Variants in ARHGAP31 observed in about 807,000 individuals in gnomAD.
ARHGAP31 encodes Rho GTPase activating protein 31, also known as rho GTPase-activating protein 31.
ARHGAP31 carries 34 observed loss-of-function variants against 113.9 expected under a neutral mutation model. The ratio of observed to expected loss-of-function variants is 0.30; its 90% CI spans 0.23 to 0.40. ARHGAP31 has a LOEUF of 0.40. Among genes scored for constraint, ARHGAP31 ranks in the 10% least tolerant of loss-of-function variants. ARHGAP31 has a pLI of 1.00. For missense variants in ARHGAP31, 1,548 were observed against 1,767.1 expected (o/e 0.88, Z 2.22); for synonymous variants, 650 against 684.8 (o/e 0.95, Z 0.79).
At chr3:119,342,393 G>C (rs1307617360) in intron 1 of ARHGAP31, among the ~76,000 whole-genome samples, 2 of 152,126 alleles carry the variant, frequency 1.3e-5, no homozygotes, top group Non-Finnish European at 2.9e-5. Flanking sequence ...GGAATACTCA[G>C]GGCTATGCAG....
At chr3:119,336,645 T>A (rs564607068) in intron 1 of ARHGAP31, among the ~76,000 whole-genome samples, 1 of 152,170 alleles carries the variant, frequency 6.6e-6, no homozygotes, top group African/African-American at 2.4e-5. Flanking sequence ...TTATTTTTAA[T>A]TTTATTGAGA....
chr3:119,345,483 T>C (rs2080048365), intron 1 of ARHGAP31, among the ~76,000 whole-genome samples: 1 of 152,030 alleles, frequency 6.6e-6, no homozygotes. Flanking sequence ...GCAGAATGGC[T>C]CCAGAACTCA....
intron 3 of ARHGAP31, among the ~76,000 whole-genome samples, chr3:119,369,187 C>A (rs1013272507): frequency 6.6e-6 from 1 of 152,062 alleles, no homozygotes; most frequent in Non-Finnish European, 1.5e-5. Context: ...GTAGAGATAG[C>A]GTGAAAAACA....
At chr3:119,299,453 A>T (rs1045255402) in intron 1 of ARHGAP31, among the ~76,000 whole-genome samples, 1 of 152,222 alleles carries the variant, frequency 6.6e-6, no homozygotes, top group African/African-American at 2.4e-5. Flanking sequence ...GATTTGAGGC[A>T]TGACAGAGGG....
chr3:119,359,932 C>G (rs982746442), intron 1 of ARHGAP31, among the ~76,000 whole-genome samples: 2 of 152,112 alleles, frequency 1.3e-5, no homozygotes, highest in Non-Finnish European at 2.9e-5. Context: ...AGTGTCTTGT[C>G]TCCCTCATTA....
intron 2 of ARHGAP31, 60 bp from the exon 3 acceptor site, chr3:119,368,312 G>A: frequency 6.2e-7 from 1 of 1,608,854 alleles, no homozygotes; most frequent in Non-Finnish European, 8.5e-7. Context: ...CAGCCAAGCA[G>A]CTGCTGACAT....
chr3:119,407,617 G>A (rs756987651), intron 10 of ARHGAP31, among the ~76,000 whole-genome samples: 24 of 152,234 alleles, frequency 1.6e-4, no homozygotes, highest in Admixed American at 2.6e-4. Context: ...AAGAGACAGT[G>A]GGAGTGTGGA....
At chr3:119,365,213 C>T in intron 1 of ARHGAP31, 103 bp from the exon 2 acceptor site, 1 of 917,800 alleles carries the variant, frequency 1.1e-6, no homozygotes, top group South Asian at 1.4e-5. Context: ...GAGTTCCATA[C>T]TTACATCTCT....
At chr3:119,383,262 A>G in intron 6 of ARHGAP31, 36 bp downstream of exon 6, 1 of 1,613,064 alleles carries the variant, frequency 6.2e-7, no homozygotes, top group South Asian at 1.1e-5. Context: ...CCACCAGCTT[A>G]TCCTTCTTTC....
intron 1 of ARHGAP31, among the ~76,000 whole-genome samples, chr3:119,322,016 T>C (rs1396279825): frequency 6.6e-6 from 1 of 152,214 alleles, no homozygotes; most frequent in Non-Finnish European, 1.5e-5. Flanking sequence ...ACATTTATAG[T>C]TATGATTGTT....
chr3:119,413,328 A>G (rs988474662), intron 11 of ARHGAP31, among the ~76,000 whole-genome samples: 1 of 151,978 alleles, frequency 6.6e-6, no homozygotes, highest in Non-Finnish European at 1.5e-5. Context: ...AAAAAAAAAA[A>G]AAAAAGAAAA....
At chr3:119,298,894 G>C (rs2079556141) in intron 1 of ARHGAP31, 2 of 236,964 alleles carry the variant, frequency 8.4e-6, no homozygotes, top group Non-Finnish European at 1.7e-5. Context: ...TGTGTGAGTT[G>C]TGCCATTCAC....
chr3:119,381,070 C>A, intron 4 of ARHGAP31, 84 bp downstream of exon 4: 3 of 1,352,616 alleles, frequency 2.2e-6, no homozygotes, highest in East Asian at 4.6e-5. Context: ...GGAAAGGAAA[C>A]AATGTGTGGA....
At position 119,307,826 on chromosome 3, in the gene ARHGAP31, C is replaced by G. The variant is rs181949217; in HGVS notation, c.100+12822C>G. Among the ~76,000 whole-genome samples, 473 of 150,530 alleles carry G rather than the reference C, an allele frequency of 3.1e-3. 4 individuals carry two copies. Among genetic ancestry groups the G allele is most frequent in the African/African-American group, 0.011 (460 of 40,944 alleles). On this transcript the variant is annotated intron_variant, in intron 1 of 11. Coordinates refer to ENST00000264245, the MANE Select transcript of ARHGAP31 (RefSeq NM_020754.4). ...GAACAATGTAAGTCCTGGATTTTTG[C>G]TGGGCCATAAGACATCTCACATATG... is the stretch of plus-strand genomic sequence containing the variant.
In ARHGAP31 at chr3:119,415,313, T is replaced by A. The variant is rs1046598843; in HGVS notation, c.3384T>A (p.Ser1128Arg). The A allele has an allele frequency of 6.2e-7, 1 of 1,614,064 alleles. No individual in the cohort carries two copies. The highest frequency in any genetic ancestry group is 1.3e-5 in the African/African-American group (1 of 74,916). ...GGTTTGAGAATGTGGCCTCATTTAG[T>A]TCACCTGGAATGCAGGTCTCTGAGC... ...LFWFENVASF[S>R]SPGMQVSEPG... The change falls in exon 12 of 12, where the codon AGT (serine) becomes AGA (arginine). Residue 1128 changes from serine to arginine, a missense_variant. Transcript: ENST00000264245.
chr3:119,298,174 C>G (rs2079549913), intron 1 of ARHGAP31, among the ~76,000 whole-genome samples: 1 of 152,168 alleles, frequency 6.6e-6, no homozygotes, highest in Admixed American at 6.5e-5. Context: ...GAGCCTCTTG[C>G]ACTTCCCCTC....
At chr3:119,316,064 C>T (rs1576990116) in intron 1 of ARHGAP31, among the ~76,000 whole-genome samples, 1 of 152,148 alleles carries the variant, frequency 6.6e-6, no homozygotes, top group African/African-American at 2.4e-5. Flanking sequence ...TACTACCTCC[C>T]TAGGATGCAA....
intron 1 of ARHGAP31, among the ~76,000 whole-genome samples, chr3:119,318,490 A>T (rs2079753900): frequency 6.6e-6 from 1 of 152,240 alleles, no homozygotes; most frequent in South Asian, 2.1e-4. Flanking sequence ...TTTTCTACCC[A>T]GTAGATGCAG....
At chr3:119,337,261 T>C (rs1391722440) in intron 1 of ARHGAP31, among the ~76,000 whole-genome samples, 1 of 152,212 alleles carries the variant, frequency 6.6e-6, no homozygotes, top group East Asian at 1.9e-4. Context: ...GGTGGGTTCA[T>C]GGTCTTACAG....
Sources: allele counts gnomAD v4.1 joint callset (sites outside exome capture counted in the v4.1 genomes callset), GRCh38; gene constraint gnomAD v4.1.1; transcripts MANE v1.5; gene names NCBI Gene and HGNC (gene_info 2026-07-23, HGNC 2026-07-21).